PLIN1: variants seen among roughly 807,000 people sequenced by gnomAD.
The protein encoded by PLIN1 is perilipin 1.
A neutral mutation model predicts 45.8 loss-of-function variants in PLIN1; 37 were observed. That is an observed-to-expected ratio of 0.81 (90% CI 0.62 to 1.06). PLIN1 has a LOEUF of 1.06. PLIN1 is among the 50% of genes least tolerant of loss of function. The pLI is 0.00. For synonymous variants in PLIN1, 340 were observed against 309.2 expected (o/e 1.10, Z -1.05); for missense variants, 776 against 716.5 (o/e 1.08, Z -0.95).
intron 2 of PLIN1, among the ~76,000 whole-genome samples, chr15:89,675,996 G>A (rs1964509733): frequency 6.6e-6 from 1 of 151,760 alleles, no homozygotes; most frequent in South Asian, 2.1e-4. Flanking sequence ...GGCTTCCTAT[G>A]TTCTTTTCTG....
At chr15:89,669,837 G>A (rs1182037379) in intron 5 of PLIN1, 143 bp downstream of exon 5, 60 of 669,702 alleles carry the variant, frequency 9.0e-5, no homozygotes, top group Admixed American at 4.6e-5. Flanking sequence ...GGGGGTGGGG[G>A]GGGTAAATGA....
rs1357934307 is a variant in PLIN1, at chr15:89,664,974, G to T, written c.*609C>A. On this transcript the variant is annotated 3_prime_UTR_variant, in exon 9 of 9. Coordinates refer to ENST00000300055, the MANE Select transcript of PLIN1 (RefSeq NM_002666.5). ...TACAAAGCACACAGGCCTGGACTCA[G>T]CCTGTGAAGCGGCGGGTACTCAGAA... 3 of 452,764 alleles carry T rather than the reference G, an allele frequency of 6.6e-6. No individual in the cohort carries two copies. The highest frequency in any genetic ancestry group is 1.3e-5 in the Non-Finnish European group (3 of 225,828). 28.0% of individuals were successfully genotyped at this position (452,764 alleles called of 1,614,324 possible).
chr15:89,674,924 A>AC (rs1964492388), intron 2 of PLIN1, among the ~76,000 whole-genome samples: 1 of 151,740 alleles, frequency 6.6e-6, no homozygotes, highest in East Asian at 1.9e-4. Flanking sequence ...ACACAGGGAG[A>AC]CCCCGTCTCT....
chr15:89,667,501 G>A, intron 7 of PLIN1, 101 bp downstream of exon 7: 1 of 1,564,828 alleles, frequency 6.4e-7, no homozygotes, highest in Non-Finnish European at 8.8e-7. Context: ...CACATGCCGT[G>A]CCCCTGCATC....
Position 89,665,578 on chromosome 15 carries a change from G to T in PLIN1, c.*5C>A. On this transcript the variant is annotated 3_prime_UTR_variant, in exon 9 of 9. Transcript: ENST00000300055. Reference sequence around the variant, plus strand: ...GGCCCGGGGCGCGGCGGCTGGTGCGGCGACTCAGCTCTTCTTGCGCAGCTG... The same window carrying T: ...GGCCCGGGGCGCGGCGGCTGGTGCGTCGACTCAGCTCTTCTTGCGCAGCTG... The T allele has an allele frequency of 6.6e-7, 1 of 1,525,560 alleles. No individual in the cohort carries two copies. Among genetic ancestry groups the T allele is most frequent in the Non-Finnish European group, 8.8e-7 (1 of 1,138,232 alleles). 94.5% of individuals were successfully genotyped at this position (1,525,560 alleles called of 1,614,324 possible).
chr15:89,667,615 T>C lies in PLIN1; in HGVS notation c.950A>G (p.Asn317Ser). The change falls in exon 7 of 9, where the codon AAC (asparagine) becomes AGC (serine). Residue 317 changes from asparagine (N) to serine (S), a missense_variant. By Grantham distance (46) the Asn-to-Ser change is conservative. Transcript: ENST00000300055. ...EEEEELETEE[N>S]KFSEVAALPG... ...TCTCCCCCTCACCTCACTGAACTTG[T>C]TCTCCTCAGTCTCCAATTCTTCCTC... 6.2e-7 allele frequency: 1 copy of C among 1,614,082 alleles called. No homozygotes were observed. The highest frequency in any genetic ancestry group is 8.5e-7 in the Non-Finnish European group (1 of 1,179,946).
In PLIN1 at chr15:89,670,204, C is replaced by A. The variant is rs564690530; in HGVS notation, c.374G>T (p.Arg125Leu). 3.1e-6 allele frequency: 5 copies of A among 1,613,618 alleles called. No homozygotes were observed. The highest frequency in any genetic ancestry group is 4.2e-6 in the Non-Finnish European group (5 of 1,179,820). The change falls in exon 5 of 9, where the codon CGC (arginine) becomes CTC (leucine). Residue 125 changes from arginine to leucine, a missense_variant. Transcript: ENST00000300055. ...ELKDTISTRLRSARNSISVPI... is the reference protein window; with the variant it reads ...ELKDTISTRLLSARNSISVPI... Reference sequence around the variant, plus strand: ...AACGCTGATGCTGTTTCTGGCACTGCGGAGGCGGGTGGAGATGGTGTCCTT... The same window carrying A: ...AACGCTGATGCTGTTTCTGGCACTGAGGAGGCGGGTGGAGATGGTGTCCTT...
In PLIN1 at chr15:89,673,209, CACTGGGTGG is replaced by C. The variant is rs1436132743; in HGVS notation, c.242_250del (p.Ser81_Gln83del). 1 of 1,560,884 alleles carries C rather than the reference CACTGGGTGG, an allele frequency of 6.4e-7. No homozygotes were observed. The highest frequency in any genetic ancestry group is 8.7e-7 in the Non-Finnish European group (1 of 1,152,168). ...AGCTGCTGAGCGCCGCAAGGACTCACACTGGGTGGACAGCCTGCGGACCACCGGCTCCAT... is the reference window on the plus strand; with the variant it reads ...AGCTGCTGAGCGCCGCAAGGACTCACACAGCCTGCGGACCACCGGCTCCAT... On this transcript the variant is annotated inframe_deletion and splice_region_variant, in exon 3 of 9. Transcript: ENST00000300055.
chr15:89,677,656 C>G, intron 1 of PLIN1, 153 bp from the exon 2 acceptor site: 1 of 744,344 alleles, frequency 1.3e-6, no homozygotes, highest in Non-Finnish European at 2.5e-6. Flanking sequence ...GTGAATATCA[C>G]ACACAATAGC....
chr15:89,671,402 T>C (rs975911263), intron 4 of PLIN1, 80 bp downstream of exon 4: 3 of 1,022,290 alleles, frequency 2.9e-6, no homozygotes, highest in Non-Finnish European at 4.5e-6. Context: ...AGTCACGGCA[T>C]CAGCAGCCCC....
intron 8 of PLIN1, among the ~76,000 whole-genome samples, 182 bp downstream of exon 8, chr15:89,666,754 C>T (rs1470261847): frequency 2.6e-5 from 4 of 152,210 alleles, no homozygotes; most frequent in Admixed American, 2.0e-4. Context: ...CTCTATACTC[C>T]TGGGGCTGGG....
At chr15:89,671,403 C>T (rs1964437440) in intron 4 of PLIN1, 79 bp downstream of exon 4, 1 of 1,031,934 alleles carries the variant, frequency 9.7e-7, no homozygotes, top group Admixed American at 2.0e-5. Flanking sequence ...GTCACGGCAT[C>T]AGCAGCCCCT....
At chr15:89,667,433 T>A (rs982138227) in intron 7 of PLIN1, among the ~76,000 whole-genome samples, 169 bp downstream of exon 7, 4 of 152,232 alleles carry the variant, frequency 2.6e-5, no homozygotes, top group African/African-American at 9.6e-5. Context: ...GCTGAGAGAA[T>A]GACATGGAAG....
chr15:89,676,394 C>T (rs887082361), intron 2 of PLIN1, among the ~76,000 whole-genome samples: 5 of 152,104 alleles, frequency 3.3e-5, no homozygotes, highest in East Asian at 3.9e-4. Context: ...ACTACAGGCG[C>T]CCGCCACCAT....
At chr15:89,667,216 T>C (rs1450054837) in intron 7 of PLIN1, 35 bp from the exon 8 acceptor site, 5 of 1,611,070 alleles carry the variant, frequency 3.1e-6, no homozygotes, top group Middle Eastern at 2.1e-4. Context: ...CCTCCTGTGG[T>C]AACTCCCCTG....
Position 89,664,963 on chromosome 15 carries a change from G to C in PLIN1, c.*620C>G. 2.2e-6 allele frequency: 1 copy of C among 455,248 alleles called. No individual in the cohort carries two copies. Among genetic ancestry groups the C allele is most frequent in the South Asian group, 1.6e-5 (1 of 64,324 alleles). The allele number at this position is 455,248 out of a possible 1,614,324, so 28.2% of individuals were successfully genotyped here. A position where few individuals can be genotyped will look rare whatever the true frequency, so the allele number is the denominator to read the frequency against. On this transcript the variant is annotated 3_prime_UTR_variant, in exon 9 of 9. Coordinates refer to ENST00000300055, the MANE Select transcript of PLIN1 (RefSeq NM_002666.5). ...GCAGCTGGCTCTACAAAGCACACAG[G>C]CCTGGACTCAGCCTGTGAAGCGGCG...
chr15:89,665,776 G>A lies in PLIN1; in HGVS notation c.1376C>T (p.Ala459Val). The change falls in exon 9 of 9, where the codon GCG (alanine) becomes GTG (valine). Residue 459 changes from alanine to valine, a missense_variant. Ala to Val is a moderately conservative substitution (Grantham distance 64). Transcript: ENST00000300055. ...GCCGGGGGGCGCGCCGGGGCTCTGC[G>A]CGCTGCGCAGGCTGCGGCGGGGCTG... is the stretch of plus-strand genomic sequence containing the variant. ...LAQPRRSLRS[A>V]QSPGAPPGPG... The A allele has an allele frequency of 1.6e-6, 2 of 1,269,066 alleles. No homozygotes were observed. The highest frequency in any genetic ancestry group is 2.0e-6 in the Non-Finnish European group (2 of 1,012,576). 78.6% of individuals were successfully genotyped at this position (1,269,066 alleles called of 1,614,324 possible).
intron 2 of PLIN1, among the ~76,000 whole-genome samples, chr15:89,676,200 A>G (rs754167957): frequency 3.3e-5 from 5 of 152,144 alleles, no homozygotes; most frequent in African/African-American, 4.8e-5. Flanking sequence ...TGACACCTAC[A>G]TGTACACTAA....
In PLIN1 at chr15:89,665,079, A is replaced by T. The variant is rs1052700; in HGVS notation, c.*504T>A. 0.3 allele frequency: 113,921 copies of T among 375,166 alleles called. 19,191 individuals carry two copies. The highest frequency in any genetic ancestry group is 0.42 in the East Asian group (5,693 of 13,708). The allele number at this position is 375,166 out of a possible 1,614,324, so 23.2% of individuals were successfully genotyped here. Reference sequence around the variant, plus strand: ...CTTCAAAGTAGCCTGCTGGGAGCCTAGATCATCAGAGGATGTTCATCAGAG... The same window carrying T: ...CTTCAAAGTAGCCTGCTGGGAGCCTTGATCATCAGAGGATGTTCATCAGAG... On this transcript the variant is annotated 3_prime_UTR_variant, in exon 9 of 9. Transcript: ENST00000300055.
Sources: gnomAD v4.1 joint callset for allele counts (sites outside exome capture counted in the v4.1 genomes callset) on GRCh38, gnomAD v4.1.1 for gene constraint, MANE v1.5 for transcripts, NCBI Gene and HGNC (gene_info 2026-07-23, HGNC 2026-07-21) for gene names.